FUT8: variants seen among roughly 807,000 people sequenced by gnomAD.
FUT8 encodes fucosyltransferase 8.
A neutral mutation model predicts 71.3 loss-of-function variants in FUT8; 29 were observed. That is an observed-to-expected ratio of 0.41 (90% confidence interval 0.30 to 0.55). The LOEUF is 0.55. Ranked by LOEUF, FUT8 falls within the 20% of genes least tolerant of loss-of-function variation. The pLI, the probability that FUT8 is intolerant of heterozygous loss-of-function variation, is 0.34. For missense variants in FUT8, 544 were observed against 702.1 expected (o/e 0.77, Z 2.55); for synonymous variants, 254 against 239.3 (o/e 1.06, Z -0.57).
At position 65,639,448 on chromosome 14, in the gene FUT8, G is replaced by C. The variant is rs971461419; in HGVS notation, c.597+9842G>C. 2.0e-5 allele frequency among the ~76,000 whole-genome samples: 3 copies of C among 151,942 alleles called. No individual in the cohort carries two copies. The East Asian group carries it at 5.8e-4, about 29-fold the overall frequency. ...CATAAATCAAATAGACATAGTGTCT[G>C]CCCTTAGGAAGTTTAAAGTCTAGTA... On this transcript the variant is annotated intron_variant, in intron 6 of 10. Transcript: ENST00000673929.
At chr14:65,719,954 C>T (rs1329255183) in intron 7 of FUT8, among the ~76,000 whole-genome samples, 2 of 152,192 alleles carry the variant, frequency 1.3e-5, no homozygotes, top group Non-Finnish European at 2.9e-5. Flanking sequence ...AGTGTAACCC[C>T]TACCTGGCTA....
intron 2 of FUT8, among the ~76,000 whole-genome samples, chr14:65,473,929 A>G (rs987828157): frequency 2.6e-5 from 4 of 152,188 alleles, no homozygotes; most frequent in Admixed American, 1.3e-4. Context: ...TTTCTATTCT[A>G]TACAGGTATA....
At chr14:65,716,987 C>G (rs1455324935) in intron 7 of FUT8, among the ~76,000 whole-genome samples, 1 of 148,190 alleles carries the variant, frequency 6.7e-6, no homozygotes, top group Non-Finnish European at 1.5e-5. Context: ...GTGCTCCACA[C>G]TTCCCAGACG....
chr14:65,653,777 A>G (rs867987481), intron 6 of FUT8, among the ~76,000 whole-genome samples: 3 of 152,182 alleles, frequency 2.0e-5, no homozygotes, highest in East Asian at 1.9e-4. Flanking sequence ...ACCTCAAACA[A>G]TCCTCCTGCC....
At chr14:65,547,783 G>C (rs117540697) in intron 2 of FUT8, among the ~76,000 whole-genome samples, 1 of 151,788 alleles carries the variant, frequency 6.6e-6, no homozygotes, top group Non-Finnish European at 1.5e-5. Context: ...TACAGTCACT[G>C]TATACTCTTT....
At chr14:65,416,086 A>T (rs1566733475) in intron 1 of FUT8, among the ~76,000 whole-genome samples, 1 of 152,156 alleles carries the variant, frequency 6.6e-6, no homozygotes, top group Non-Finnish European at 1.5e-5. Context: ...AGATTCTTCC[A>T]TTTCATTAAT....
At chr14:65,687,394 G>C (rs752022651) in intron 7 of FUT8, among the ~76,000 whole-genome samples, 2 of 152,064 alleles carry the variant, frequency 1.3e-5, no homozygotes, top group African/African-American at 2.4e-5. Flanking sequence ...AGAATTTTCT[G>C]GATTTAATTA....
At chr14:65,522,381 TGAA>T (rs1313188422) in intron 2 of FUT8, among the ~76,000 whole-genome samples, 1 of 152,138 alleles carries the variant, frequency 6.6e-6, no homozygotes, top group Non-Finnish European at 1.5e-5. Flanking sequence ...GGATTTATGA[TGAA>T]GAGAATAGGA....
the FUT8 span, among the ~76,000 whole-genome samples, chr14:65,380,431 G>A: frequency 5.3e-5 from 8 of 152,120 alleles, no homozygotes; most frequent in East Asian, 1.9e-4. Flanking sequence ...CATAGTAGAA[G>A]GTTAGACAAA....
chr14:65,573,374 A>G (rs1398002969), intron 3 of FUT8, among the ~76,000 whole-genome samples: 1 of 152,130 alleles, frequency 6.6e-6, no homozygotes, highest in Non-Finnish European at 1.5e-5. Context: ...CCACCAAGAA[A>G]AGAAAATTAG....
At chr14:65,401,560 A>G in the FUT8 span, among the ~76,000 whole-genome samples, 2 of 152,312 alleles carry the variant, frequency 1.3e-5, no homozygotes, top group East Asian at 1.9e-4. Flanking sequence ...ATGAAATTAT[A>G]AGGGATCCAA....
chr14:65,401,977 C>T, the FUT8 span, among the ~76,000 whole-genome samples: 2 of 150,036 alleles, frequency 1.3e-5, no homozygotes, highest in East Asian at 2.0e-4. Flanking sequence ...AATGCGGAAA[C>T]GTGAGAGACA....
At chr14:65,659,488 C>T (rs948871426) in intron 6 of FUT8, among the ~76,000 whole-genome samples, 4 of 152,076 alleles carry the variant, frequency 2.6e-5, no homozygotes, top group African/African-American at 4.8e-5. Flanking sequence ...TTATTTAAAA[C>T]GAAACATTTG....
At chr14:65,536,786 T>C (rs1290658382) in intron 2 of FUT8, among the ~76,000 whole-genome samples, 1 of 152,202 alleles carries the variant, frequency 6.6e-6, no homozygotes, top group Non-Finnish European at 1.5e-5. Context: ...TTCCTGTGAA[T>C]GTTGGCCTCT....
At chr14:65,600,791 A>G (rs764289838) in intron 3 of FUT8, among the ~76,000 whole-genome samples, 34 of 152,190 alleles carry the variant, frequency 2.2e-4, no homozygotes, top group Non-Finnish European at 3.8e-4. Flanking sequence ...TTACATTTCC[A>G]TTTAAAAAAT....
chr14:65,537,704 G>A (rs986474788), intron 2 of FUT8, among the ~76,000 whole-genome samples: 3 of 152,060 alleles, frequency 2.0e-5, no homozygotes, highest in African/African-American at 7.2e-5. Context: ...TGGAGTTCTT[G>A]TGCTGGTTCT....
At chr14:65,671,068 A>G (rs1892452673) in intron 7 of FUT8, among the ~76,000 whole-genome samples, 1 of 152,200 alleles carries the variant, frequency 6.6e-6, no homozygotes, top group Non-Finnish European at 1.5e-5. Context: ...TCAGGAAAAG[A>G]AACTCTACCA....
chr14:65,477,765 A>C (rs1012676316), intron 2 of FUT8, among the ~76,000 whole-genome samples: 5 of 152,182 alleles, frequency 3.3e-5, no homozygotes, highest in African/African-American at 1.2e-4. Context: ...CATATCTTCT[A>C]GCCTGGGTAA....
At chr14:65,502,065 C>T (rs1188960867) in intron 2 of FUT8, among the ~76,000 whole-genome samples, 1 of 152,058 alleles carries the variant, frequency 6.6e-6, no homozygotes, top group East Asian at 1.9e-4. Flanking sequence ...CACCTGCCAC[C>T]ACACCCAGCT....
Sources: gnomAD v4.1 joint callset for allele counts (sites outside exome capture counted in the v4.1 genomes callset) on GRCh38, gnomAD v4.1.1 for gene constraint, MANE v1.5 for transcripts, NCBI Gene and HGNC (gene_info 2026-07-23, HGNC 2026-07-21) for gene names.